ZNF254: variants seen among roughly 807,000 people sequenced by gnomAD.
The protein encoded by ZNF254 is zinc finger protein 254.
ZNF254 carries 10 observed loss-of-function variants against 12.4 expected under a neutral mutation model. The ratio of observed to expected loss-of-function variants is 0.80; its 90% CI spans 0.50 to 1.36. ZNF254 has a LOEUF of 1.36. Ranked by LOEUF, ZNF254 falls within the 40% of genes most tolerant of loss-of-function variation. ZNF254 has a pLI of 0.00. For synonymous variants in ZNF254, 305 were observed against 253.4 expected (o/e 1.20, Z -1.93); for missense variants, 996 against 763.9 (o/e 1.30, Z -3.58).
At chr19:24,107,050 G>T (rs900622418) in intron 3 of ZNF254, 62 of 446,446 alleles carry the variant, frequency 1.4e-4, no homozygotes, top group East Asian at 2.1e-4. Flanking sequence ...GTTATATTGG[G>T]TTTTTTCTTT....
At chr19:24,056,652 TA>T (rs1022523633) in intron 2 of ZNF254, among the ~76,000 whole-genome samples, 2 of 152,180 alleles carry the variant, frequency 1.3e-5, no homozygotes, top group African/African-American at 4.8e-5. Flanking sequence ...TCTCCTTTTC[TA>T]CCAAGGTTTC....
rs145095391 is a variant in ZNF254 at position 24,113,128 on chromosome 19, C to A, written c.253+6485C>A. Among the ~76,000 whole-genome samples the A allele has an allele frequency of 5.1e-3, 772 of 152,310 alleles. 10 individuals carry two copies. Among genetic ancestry groups the A allele is most frequent in the African/African-American group, 0.017 (725 of 41,574 alleles). On this transcript the variant is annotated intron_variant, in intron 3 of 3. Transcript: ENST00000357002. ...CAAGGAGGAACTGATACCATTCCTT[C>A]TGAAACTATTCCAATCAATAGAAAA...
In ZNF254 at chr19:24,047,596, CTTTTTTTTT is replaced by C. The variant is rs386388790; in HGVS notation, c.-94+1328_-94+1336del. On this transcript the variant is annotated intron_variant, in intron 2 of 4. Coordinates refer to the ZNF254 transcript ENST00000613065. Reference sequence around the variant, plus strand: ...CTTTTTATTTTCTTTTTCATTCTTCCTTTTTTTTTTTTTTTTTTTGCTCTCTCTCTTGCT... The same window carrying C: ...CTTTTTATTTTCTTTTTCATTCTTCCTTTTTTTTTTGCTCTCTCTCTTGCT... Among the ~76,000 whole-genome samples the C allele has an allele frequency of 4.8e-4, 52 of 107,916 alleles. 1 individual carries two copies. The highest frequency in any genetic ancestry group is 6.3e-3 in the Middle Eastern group (1 of 158). The allele number at this position is 107,916 out of a possible 152,430, so 70.8% of individuals were successfully genotyped here.
intron 1 of ZNF254, chr19:24,104,085 C>T (rs1203514846): frequency 6.6e-6 from 1 of 152,264 alleles, no homozygotes; most frequent in African/African-American, 2.4e-5. Context: ...CTGTTGAACT[C>T]CAGACTTCGT....
chr19:24,128,675 C>A lies in ZNF254; in HGVS notation c.*695C>A, dbSNP rs943849880. 6.6e-6 allele frequency: 1 copy of A among 151,932 alleles called. No individual in the cohort carries two copies. Among genetic ancestry groups the A allele is most frequent in the Non-Finnish European group, 1.5e-5 (1 of 67,922 alleles). 9.4% of individuals were successfully genotyped at this position (151,932 alleles called of 1,614,324 possible). On this transcript the variant is annotated 3_prime_UTR_variant, in exon 4 of 4. Coordinates refer to ENST00000357002, the MANE Select transcript of ZNF254 (RefSeq NM_203282.4). The stretch of plus-strand genomic sequence containing the variant: ...ATACTAAAATATATTTTTGCAGATA[C>A]ATTAAATATGAAAGATATTCAATCC...
At chr19:24,047,616 G>GCT in intron 2 of ZNF254, among the ~76,000 whole-genome samples, 1 of 49,692 alleles carries the variant, frequency 2.0e-5, no homozygotes, top group South Asian at 6.1e-4. Flanking sequence ...TTTTTTTTTT[G>GCT]CTCTCTCTCT....
At chr19:24,049,117 C>A (rs1568426219) in intron 2 of ZNF254, 1 of 144,022 alleles carries the variant, frequency 6.9e-6, no homozygotes. Flanking sequence ...TGTAATCAAT[C>A]TATCATCTAT....
At chr19:24,124,520 A>G (rs144134415) in intron 3 of ZNF254, among the ~76,000 whole-genome samples, 4 of 152,214 alleles carry the variant, frequency 2.6e-5, no homozygotes, top group South Asian at 2.1e-4. Context: ...AGCACCTTTT[A>G]TATGTAGGGC....
At chr19:24,098,986 CTCTTTT>C (rs1281035692) in intron 1 of ZNF254, 41 of 109,380 alleles carry the variant, frequency 3.7e-4, no homozygotes, top group African/African-American at 1.7e-3. Context: ...TCAGGCTTCG[CTCTTTT>C]TTTTTTTTTT....
At chr19:24,061,194 G>A (rs1355644862) in intron 2 of ZNF254, among the ~76,000 whole-genome samples, 3 of 151,032 alleles carry the variant, frequency 2.0e-5, no homozygotes, top group East Asian at 1.9e-4. Flanking sequence ...CACATGGACC[G>A]TGAGCATGGG....
At chr19:24,094,418 G>A (rs997533122) in intron 1 of ZNF254, among the ~76,000 whole-genome samples, 1 of 151,256 alleles carries the variant, frequency 6.6e-6, no homozygotes, top group Non-Finnish European at 1.5e-5. Context: ...CCGCCACTGC[G>A]CCTGGTTAAT....
chr19:24,059,772 A>G (rs1971000640), intron 2 of ZNF254, among the ~76,000 whole-genome samples: 1 of 152,134 alleles, frequency 6.6e-6, no homozygotes, highest in Non-Finnish European at 1.5e-5. Context: ...TGAAAGAGGA[A>G]TTGTGACATA....
At chr19:24,052,857 C>G (rs1970700193) in intron 2 of ZNF254, among the ~76,000 whole-genome samples, 1 of 152,176 alleles carries the variant, frequency 6.6e-6, no homozygotes, top group Non-Finnish European at 1.5e-5. Context: ...CAACCAATAG[C>G]AGATACACTA....
chr19:24,108,432 T>TTC (rs1973468203), intron 3 of ZNF254, among the ~76,000 whole-genome samples: 1 of 152,218 alleles, frequency 6.6e-6, no homozygotes, highest in African/African-American at 2.4e-5. Context: ...CTGAAAAGGG[T>TTC]TACCTTCAGT....
At chr19:24,101,060 C>T (rs1972996547) in intron 1 of ZNF254, among the ~76,000 whole-genome samples, 1 of 152,132 alleles carries the variant, frequency 6.6e-6, no homozygotes, top group African/African-American at 2.4e-5. Context: ...CTCCCAACCT[C>T]AGGTGATCCT....
At chr19:24,041,488 C>T (rs1049102824) in intron 1 of ZNF254, among the ~76,000 whole-genome samples, 6 of 152,250 alleles carry the variant, frequency 3.9e-5, no homozygotes, top group African/African-American at 1.2e-4. Flanking sequence ...TACTGAGTCC[C>T]CCAGCAGTGC....
At position 24,087,312 on chromosome 19, in the gene ZNF254, C is replaced by T. The variant is rs1342922664; in HGVS notation, c.5C>T (p.Pro2Leu). M[P>L]GPPRSLEMGL... ...TATTGGAGATCCACAGCTAAGATGCCAGGACCCCCTAGAAGCCTAGAAATG... is the reference window on the plus strand; with the variant it reads ...TATTGGAGATCCACAGCTAAGATGCTAGGACCCCCTAGAAGCCTAGAAATG... The change falls in exon 1 of 4, where the codon CCA (proline) becomes CTA (leucine). Residue 2 changes from proline (P) to leucine (L), a missense_variant. Coordinates refer to ENST00000357002, the MANE Select transcript of ZNF254 (RefSeq NM_203282.4). 1 of 1,613,726 alleles carries T rather than the reference C, an allele frequency of 6.2e-7. No homozygotes were observed. Among genetic ancestry groups the T allele is most frequent in the South Asian group, 1.1e-5 (1 of 91,084 alleles).
intron 1 of ZNF254, among the ~76,000 whole-genome samples, chr19:24,041,328 G>A (rs997837775): frequency 6.6e-6 from 1 of 152,218 alleles, no homozygotes; most frequent in Non-Finnish European, 1.5e-5. Flanking sequence ...AGGCATGAGC[G>A]GGAACCGGGG....
At chr19:24,098,383 A>T (rs1972795447) in intron 1 of ZNF254, 1 of 152,244 alleles carries the variant, frequency 6.6e-6, no homozygotes, top group South Asian at 2.1e-4. Context: ...GTAGGCTCGC[A>T]TATATTCCAT....
Sources: gnomAD v4.1 joint callset for allele counts (sites outside exome capture counted in the v4.1 genomes callset) on GRCh38, gnomAD v4.1.1 for gene constraint, MANE v1.5 for transcripts, NCBI Gene and HGNC (gene_info 2026-07-23, HGNC 2026-07-21) for gene names.